The following SLFN12L variants were observed in gnomAD, a reference collection of about 807,000 sequenced individuals.
SLFN12L encodes the protein schlafen family member 12-like.
SLFN12L carries 34 observed loss-of-function variants against 34.8 expected under a neutral mutation model. That is an observed-to-expected ratio of 0.98 (90% CI 0.74 to 1.30). SLFN12L has a LOEUF of 1.30. Among genes scored for constraint, SLFN12L ranks in the 50% most tolerant of loss-of-function variants. The pLI is 0.00. For missense variants in SLFN12L, 703 were observed against 696.2 expected (o/e 1.01, Z -0.11); for synonymous variants, 259 against 247.5 (o/e 1.05, Z -0.44).
chr17:35,516,179 A>C (rs973940052), intron 2 of SLFN12L, among the ~76,000 whole-genome samples: 1 of 152,180 alleles, frequency 6.6e-6, no homozygotes, highest in African/African-American at 2.4e-5. Context: ...GTTGTCCTTC[A>C]CATATCACTA....
intron 2 of SLFN12L, among the ~76,000 whole-genome samples, chr17:35,495,171 A>C (rs191953374): frequency 7.6e-4 from 116 of 152,208 alleles, no homozygotes; most frequent in Non-Finnish European, 1.3e-3. Context: ...AAGTGATGGG[A>C]TTATAGGCAT....
intron 2 of SLFN12L, chr17:35,515,209 G>GTGGA: frequency 1.7e-6 from 1 of 575,916 alleles, no homozygotes; most frequent in South Asian, 1.4e-5. Context: ...AACGCTGAGT[G>GTGGA]TGGACTGCGG....
In SLFN12L at chr17:35,474,202, T is replaced by C. The variant is rs1913856157; in HGVS notation, c.*721A>G. On this transcript the variant is annotated 3_prime_UTR_variant, in exon 5 of 5. Coordinates refer to ENST00000628453, the MANE Select transcript of SLFN12L (RefSeq NM_001363830.2). Reference sequence around the variant, plus strand: ...TTCTCCATTTTGATTCATCTCTTCATTGGCTGCATTTCATTGCAATATAGT... The same window carrying C: ...TTCTCCATTTTGATTCATCTCTTCACTGGCTGCATTTCATTGCAATATAGT... 1 of 152,254 alleles carries C rather than the reference T, an allele frequency of 6.6e-6. No homozygotes were observed. Among genetic ancestry groups the C allele is most frequent in the African/African-American group, 2.4e-5 (1 of 41,450 alleles). The allele number at this position is 152,254 out of a possible 1,614,324, so 9.4% of individuals were successfully genotyped here. A position where few individuals can be genotyped will look rare whatever the true frequency, so the allele number is the denominator to read the frequency against.
At chr17:35,533,580 A>C (rs1438341348) in intron 1 of SLFN12L, among the ~76,000 whole-genome samples, 3 of 152,210 alleles carry the variant, frequency 2.0e-5, no homozygotes, top group Non-Finnish European at 4.4e-5. Context: ...GATCTGAAGA[A>C]TGCAAATGAG....
At chr17:35,487,471 A>AC (rs570622363) in intron 2 of SLFN12L, among the ~76,000 whole-genome samples, 4,588 of 149,600 alleles carry the variant, frequency 0.031, 168 homozygotes, top group East Asian at 0.2. Context: ...CCCACGGACC[A>AC]CCCCCCCCGG....
chr17:35,487,236 C>T (rs1189718016), intron 2 of SLFN12L, among the ~76,000 whole-genome samples: 1 of 152,270 alleles, frequency 6.6e-6, no homozygotes, highest in Non-Finnish European at 1.5e-5. Flanking sequence ...CCACCGCGCC[C>T]GGCCGCCCTG....
intron 2 of SLFN12L, chr17:35,487,872 C>A: frequency 2.1e-6 from 2 of 957,734 alleles, no homozygotes; most frequent in African/African-American, 1.6e-5. Context: ...GTGGTGGCAC[C>A]GCACGCGCTG....
intron 2 of SLFN12L, chr17:35,490,882 A>G (rs1914809732): frequency 1.2e-6 from 1 of 853,228 alleles, no homozygotes; most frequent in Non-Finnish European, 2.1e-6. Context: ...TCCAGAAGAG[A>G]CTGAAACACA....
In SLFN12L at chr17:35,475,111, A is replaced by T; in HGVS notation, c.1651T>A (p.Cys551Ser). The change falls in exon 5 of 5, where the codon TGC becomes AGC. Residue 551 changes from cysteine (C) to serine (S), a missense_variant. Cys to Ser is a moderately radical substitution (Grantham distance 112, BLOSUM62 -1). Coordinates refer to ENST00000628453, the MANE Select transcript of SLFN12L (RefSeq NM_001363830.2). ...ACTTGCGAGTTTAAATCATACTGGC[A>T]GCTTGTCTTGCCTTCAGGGCTCAAG... ...FYLSPEGKTSCQYDLNSQVIY... is the reference protein window; with the variant it reads ...FYLSPEGKTSSQYDLNSQVIY... 6.2e-7 allele frequency: 1 copy of T among 1,614,242 alleles called. No individual in the cohort carries two copies.
At chr17:35,484,158 T>C (rs760582433) in intron 2 of SLFN12L, among the ~76,000 whole-genome samples, 15 of 152,206 alleles carry the variant, frequency 9.9e-5, no homozygotes, top group Non-Finnish European at 1.9e-4. Flanking sequence ...TCTGAGACTC[T>C]AATGTTTTCC....
chr17:35,509,553 G>A (rs1008464968), intron 2 of SLFN12L, among the ~76,000 whole-genome samples: 1 of 152,192 alleles, frequency 6.6e-6, no homozygotes, highest in South Asian at 2.1e-4. Flanking sequence ...GCATTTGGGG[G>A]GAAAGCCAGG....
chr17:35,513,296 C>T (rs954645526), intron 2 of SLFN12L, among the ~76,000 whole-genome samples: 3 of 152,120 alleles, frequency 2.0e-5, no homozygotes, highest in African/African-American at 4.8e-5. Flanking sequence ...CAGAGATGAA[C>T]TGTGACTTGC....
At chr17:35,494,844 TTTTA>T (rs1914981675) in intron 2 of SLFN12L, among the ~76,000 whole-genome samples, 1 of 152,118 alleles carries the variant, frequency 6.6e-6, no homozygotes, top group Non-Finnish European at 1.5e-5. Context: ...CATTTTTATG[TTTTA>T]TTTATCACCG....
At chr17:35,491,203 GA>G in intron 2 of SLFN12L, 12 of 1,071,068 alleles carry the variant, frequency 1.1e-5, no homozygotes, top group Non-Finnish European at 1.5e-5. Context: ...CTATGATTTG[GA>G]AAAGCTCCCA....
chr17:35,526,953 G>A (rs931079674), intron 1 of SLFN12L, among the ~76,000 whole-genome samples: 10 of 151,728 alleles, frequency 6.6e-5, no homozygotes, highest in Non-Finnish European at 1.5e-4. Flanking sequence ...AAGATAGATA[G>A]ACTACTACCG....
At chr17:35,487,611 G>A in intron 2 of SLFN12L, 2 of 1,154,070 alleles carry the variant, frequency 1.7e-6, no homozygotes, top group Non-Finnish European at 2.4e-6. Flanking sequence ...GCAACTGAAA[G>A]TTAAACGCCC....
Position 35,467,291 on chromosome 17 carries a change from C to T in SLFN12L, c.*7632G>A, listed in dbSNP as rs1043221146. On this transcript the variant is annotated 3_prime_UTR_variant, in exon 5 of 5. Transcript: ENST00000628453. ...GCTGGATGCCCTGGCCAACAAATGG[C>T]CCCATCTCCATATTCCTTTTGAACA... Among the ~76,000 whole-genome samples the T allele has an allele frequency of 6.6e-6, 1 of 152,188 alleles. No individual in the cohort carries two copies. The highest frequency in any genetic ancestry group is 2.4e-5 in the African/African-American group (1 of 41,434).
At chr17:35,475,790 C>T (rs1439445051) in intron 4 of SLFN12L, among the ~76,000 whole-genome samples, 1 of 151,888 alleles carries the variant, frequency 6.6e-6, no homozygotes. Flanking sequence ...GTCCCAGCTA[C>T]TTGGGAGGCT....
intron 1 of SLFN12L, among the ~76,000 whole-genome samples, chr17:35,526,733 C>T (rs898482221): frequency 6.6e-6 from 1 of 151,844 alleles, no homozygotes; most frequent in African/African-American, 2.4e-5. Context: ...ATTTATATCA[C>T]TAAATGCCCA....
Sources: allele counts gnomAD v4.1 joint callset (sites outside exome capture counted in the v4.1 genomes callset), GRCh38; gene constraint gnomAD v4.1.1; transcripts MANE v1.5; gene names NCBI Gene and HGNC (gene_info 2026-07-23, HGNC 2026-07-21).